FAM83G: variants seen among roughly 807,000 people sequenced by gnomAD.
FAM83G encodes protein FAM83G.
Under a neutral mutation model 61.5 loss-of-function variants are expected in FAM83G, and 38 were observed. The observed-to-expected ratio is 0.62, with a 90% CI of 0.48 to 0.81. FAM83G has a LOEUF of 0.81. Among genes scored for constraint, FAM83G ranks in the 30% least tolerant of loss-of-function variants. The pLI, the probability that FAM83G is intolerant of heterozygous loss-of-function variation, is 0.00. For missense variants in FAM83G, 989 were observed against 1,133.6 expected, an observed-to-expected ratio of 0.87 and a Z score of 1.83; for synonymous variants, 470 against 476.1, an observed-to-expected ratio of 0.99 and a Z score of 0.17.
At position 18,969,385 on chromosome 17, in the gene FAM83G, C is replaced by T. The variant is rs1362914181; in HGVS notation, c.*1974G>A. On this transcript the variant is annotated 3_prime_UTR_variant, in exon 6 of 6. Coordinates refer to ENST00000388995, the MANE Select transcript of FAM83G (RefSeq NM_001039999.3). ...TCTACACGGACGCCCTGCAGACGCT[C>T]ATCATGGTGGTGGGGGCTGTCATCC... 6.2e-7 allele frequency: 1 copy of T among 1,613,816 alleles called. No homozygotes were observed. Among genetic ancestry groups the T allele is most frequent in the Non-Finnish European group, 8.5e-7 (1 of 1,180,022 alleles).
intron 5 of FAM83G, chr17:18,976,847 C>G (rs1372939669): frequency 6.2e-7 from 1 of 1,612,894 alleles, no homozygotes; most frequent in Non-Finnish European, 8.5e-7. Flanking sequence ...TCGCACTCCA[C>G]CCCCAGGTCA....
chr17:19,002,237 G>A (rs568172219), intron 2 of FAM83G, among the ~76,000 whole-genome samples: 64 of 152,300 alleles, frequency 4.2e-4, no homozygotes, highest in African/African-American at 1.3e-3. Flanking sequence ...TCAGAAACCC[G>A]AAGCCTCAAA....
rs556220147 is a variant in FAM83G, at chr17:18,968,980, G to A, written c.*2379C>T. ...CCGAGGCCCAGAGAGGGCCTTGCCCGAGGTCACCCAGGGAGTGGCTTGCTG... is the reference window on the plus strand; with the variant it reads ...CCGAGGCCCAGAGAGGGCCTTGCCCAAGGTCACCCAGGGAGTGGCTTGCTG... On this transcript the variant is annotated 3_prime_UTR_variant, in exon 6 of 6. Transcript: ENST00000388995. This position sits in a 1 kb window ranked among gnomAD's most constrained non-coding sequence, Gnocchi z 4.1. 8.8e-6 allele frequency: 13 copies of A among 1,484,786 alleles called. No individual in the cohort carries two copies. Among genetic ancestry groups the A allele is most frequent in the Admixed American group, 8.0e-5 (4 of 49,988 alleles). 92.0% of individuals were successfully genotyped at this position (1,484,786 alleles called of 1,614,324 possible). A position where few individuals can be genotyped will look rare whatever the true frequency, so the allele number is the denominator to read the frequency against.
At chr17:18,999,824 C>T (rs1403680079) in intron 2 of FAM83G, among the ~76,000 whole-genome samples, 4 of 152,220 alleles carry the variant, frequency 2.6e-5, no homozygotes, top group Admixed American at 2.0e-4. Flanking sequence ...TGGCCACCGG[C>T]GCCTCACCTG....
intron 4 of FAM83G, 130 bp from the exon 5 acceptor site, chr17:18,978,980 A>G (rs1458751730): frequency 2.9e-6 from 3 of 1,047,088 alleles, no homozygotes; most frequent in Non-Finnish European, 4.2e-6. Context: ...GAATGGGGGC[A>G]GAGAGCAGGT....
At chr17:18,994,327 C>A (rs565423229) in intron 2 of FAM83G, among the ~76,000 whole-genome samples, 13 of 152,302 alleles carry the variant, frequency 8.5e-5, no homozygotes, top group African/African-American at 3.1e-4. Flanking sequence ...CAGGCTGCAG[C>A]ACAGGGAGGG....
intron 5 of FAM83G, chr17:18,976,861 T>C (rs1461273866): frequency 6.2e-7 from 1 of 1,613,294 alleles, no homozygotes; most frequent in Non-Finnish European, 8.5e-7. Flanking sequence ...CAGGTCATCG[T>C]GCAGCGATCA....
At chr17:18,983,807 C>T (rs568697591) in intron 3 of FAM83G, among the ~76,000 whole-genome samples, 38 of 152,300 alleles carry the variant, frequency 2.5e-4, no homozygotes, top group African/African-American at 8.4e-4. Flanking sequence ...AAGTATGTGA[C>T]GGCATGTAGG....
chr17:18,978,897 C>T lies in FAM83G; in HGVS notation c.816-47G>A, dbSNP rs745935443. Reference sequence around the variant, plus strand: ...CTGGTCAGGCACATGACCCTGCTTCCTCCGCCCAGCCCCCGTGCACCCATA... The same window carrying T: ...CTGGTCAGGCACATGACCCTGCTTCTTCCGCCCAGCCCCCGTGCACCCATA... On this transcript the variant is annotated intron_variant, in intron 4 of 5. Transcript: ENST00000388995. The T allele has an allele frequency of 1.9e-6, 3 of 1,594,466 alleles. No individual in the cohort carries two copies. In the Admixed American group the frequency reaches 5.1e-5, roughly 27 times the overall value.
In FAM83G at chr17:18,971,912, C is replaced by T. The variant is rs1267715694; in HGVS notation, c.2083-164G>A. ...GACCAGTTGGTTTAGTCACTCGATG[C>T]CTCAGTTCCCCTGTCTGTAATATGG... On this transcript the variant is annotated intron_variant, in intron 5 of 5. Coordinates refer to ENST00000388995, the MANE Select transcript of FAM83G (RefSeq NM_001039999.3). The surrounding 1 kb of genome is among the most constrained non-coding windows in gnomAD (Gnocchi z 5.5). Among the ~76,000 whole-genome samples the T allele has an allele frequency of 6.6e-6, 1 of 152,214 alleles. No individual in the cohort carries two copies. Among genetic ancestry groups the T allele is most frequent in the Non-Finnish European group, 1.5e-5 (1 of 68,034 alleles).
upstream of FAM83G, among the ~76,000 whole-genome samples, chr17:19,005,412 G>C (rs779904282): frequency 3.3e-5 from 5 of 152,166 alleles, 1 homozygote; most frequent in Non-Finnish European, 5.9e-5. Context: ...TGGTTATGGG[G>C]AGCGTGGAGA....
At chr17:18,994,531 G>A (rs1206560159) in intron 2 of FAM83G, among the ~76,000 whole-genome samples, 1 of 152,176 alleles carries the variant, frequency 6.6e-6, no homozygotes, top group African/African-American at 2.4e-5. Flanking sequence ...AAACTACTGA[G>A]GCTGAGCAGG....
In FAM83G at chr17:18,968,817, C is replaced by T; in HGVS notation, c.*2542G>A. The T allele has an allele frequency of 1.9e-6, 1 of 532,100 alleles. No homozygotes were observed. The allele number at this position is 532,100 out of a possible 1,614,324, so 33.0% of individuals were successfully genotyped here. A position where few individuals can be genotyped will look rare whatever the true frequency, so the allele number is the denominator to read the frequency against. ...TGGGAAAGGCATTGGCCACTTTGGACTTTATTAGCAACAGTAATGTCCCCT... is the reference window on the plus strand; with the variant it reads ...TGGGAAAGGCATTGGCCACTTTGGATTTTATTAGCAACAGTAATGTCCCCT... On this transcript the variant is annotated 3_prime_UTR_variant, in exon 6 of 6. Transcript: ENST00000388995. This position sits in a 1 kb window ranked among gnomAD's most constrained non-coding sequence, Gnocchi z 4.1.
At chr17:18,979,796 G>A (rs778394665) in intron 3 of FAM83G, 123 bp from the exon 4 acceptor site, 35 of 1,103,634 alleles carry the variant, frequency 3.2e-5, no homozygotes, top group Middle Eastern at 5.9e-4. Context: ...GGAAGAAAGA[G>A]GCTGTAAGGC....
At position 19,000,794 on chromosome 17, in the gene FAM83G, G is replaced by A. The variant is rs2043711395; in HGVS notation, c.522+2726C>T. 6.6e-6 allele frequency among the ~76,000 whole-genome samples: 1 copy of A among 152,182 alleles called. No homozygotes were observed. The highest frequency in any genetic ancestry group is 6.5e-5 in the Admixed American group (1 of 15,286). ...GGGAGGTGGAAGCATGGGCACGAGA[G>A]GTGATTCATGGGGAGAGATAAGGCA... On this transcript the variant is annotated intron_variant, in intron 2 of 5. Transcript: ENST00000388995. This position sits in a 1 kb window ranked among gnomAD's most constrained non-coding sequence, Gnocchi z 5.2.
Position 18,990,564 on chromosome 17 carries a change from G to A in FAM83G, c.523-2150C>T, listed in dbSNP as rs535164151. On this transcript the variant is annotated intron_variant, in intron 2 of 5. Transcript: ENST00000388995. The stretch of plus-strand genomic sequence containing the variant: ...TTGCCCTGGGCTTGGGCTGGGGGAC[G>A]TGCCCCAGCAGGACCCGCACCATGT... 3.2e-4 allele frequency among the ~76,000 whole-genome samples: 48 copies of A among 152,312 alleles called. No individual in the cohort carries two copies. In the East Asian group the frequency reaches 8.7e-3, roughly 28 times the overall value.
rs762076161 is a variant in FAM83G, at chr17:18,971,585, C to A, written c.2246G>T (p.Gly749Val). The A allele has an allele frequency of 1.2e-6, 2 of 1,613,454 alleles. No individual in the cohort carries two copies. Among genetic ancestry groups the A allele is most frequent in the African/African-American group, 1.3e-5 (1 of 74,906 alleles). ...AGPHHWQAKG[G>V]QVPRLLPDPG... Reference sequence around the variant, plus strand: ...ATCCGGAAGCAGGCGGGGTACCTGACCTCCCTTGGCCTGCCAGTGGTGGGG... The same window carrying A: ...ATCCGGAAGCAGGCGGGGTACCTGAACTCCCTTGGCCTGCCAGTGGTGGGG... Residue 749 changes from glycine (G) to valine (V), a missense_variant, in exon 6 of 6, where the codon GGT becomes GTT. By Grantham distance (109) the Gly-to-Val change is moderately radical (BLOSUM62 -3). Transcript: ENST00000388995. This position sits in a 1 kb window ranked among gnomAD's most constrained non-coding sequence, Gnocchi z 5.5.
chr17:18,971,735 T>C lies in FAM83G; in HGVS notation c.2096A>G (p.His699Arg). 1 of 1,568,192 alleles carries C rather than the reference T, an allele frequency of 6.4e-7. No individual in the cohort carries two copies. Among genetic ancestry groups the C allele is most frequent in the Non-Finnish European group, 8.7e-7 (1 of 1,155,204 alleles). ...TDKEAQGQQF[H>R]HHRVPASGTR... ...CCCTGAGGCAGGGACCCTGTGATGATGAAACTGCTGGCCCTGGGAGAGAGA... is the reference window on the plus strand; with the variant it reads ...CCCTGAGGCAGGGACCCTGTGATGACGAAACTGCTGGCCCTGGGAGAGAGA... The change falls in exon 6 of 6, where the codon CAT (histidine) becomes CGT (arginine). Residue 699 changes from histidine to arginine, a missense_variant. Coordinates refer to ENST00000388995, the MANE Select transcript of FAM83G (RefSeq NM_001039999.3). The surrounding 1 kb of genome is among the most constrained non-coding windows in gnomAD (Gnocchi z 5.5).
intron 4 of FAM83G, 153 bp from the exon 5 acceptor site, chr17:18,979,003 G>T (rs2043061853): frequency 2.5e-6 from 2 of 810,200 alleles, no homozygotes. Flanking sequence ...ATACTGTGGG[G>T]TCAGACTGAG....
Sources: allele counts gnomAD v4.1 joint callset (sites outside exome capture counted in the v4.1 genomes callset), GRCh38; gene constraint gnomAD v4.1.1; non-coding constraint Gnocchi (gnomAD v3.1); transcripts MANE v1.5; gene names NCBI Gene and HGNC (gene_info 2026-07-23, HGNC 2026-07-21).